The following CADM1 variants were observed in gnomAD, a reference collection of about 807,000 sequenced individuals.
CADM1 encodes cell adhesion molecule 1.
A neutral mutation model predicts 53.1 loss-of-function variants in CADM1; 15 were observed. The observed-to-expected ratio is 0.28, with a 90% CI of 0.19 to 0.44. The LOEUF (loss-of-function observed/expected upper bound fraction) is 0.44, where lower values mean the gene tolerates loss of function less well. Among genes scored for constraint, CADM1 ranks in the 20% least tolerant of loss-of-function variants. The pLI, the probability that CADM1 is intolerant of heterozygous loss-of-function variation, is 1.00. For synonymous variants in CADM1, 281 were observed against 243.0 expected, an observed-to-expected ratio of 1.16 and a Z score of -1.45; for missense variants, 434 against 611.3, an observed-to-expected ratio of 0.71 and a Z score of 3.06.
intron 1 of CADM1, among the ~76,000 whole-genome samples, chr11:115,368,589 T>G (rs1438175334): frequency 6.6e-6 from 1 of 152,082 alleles, no homozygotes; most frequent in Admixed American, 6.5e-5. Flanking sequence ...GTGAAGAAAA[T>G]CCTAATATTA....
At chr11:115,268,606 G>A (rs1427553945) in intron 1 of CADM1, among the ~76,000 whole-genome samples, 1 of 152,220 alleles carries the variant, frequency 6.6e-6, no homozygotes, top group African/African-American at 2.4e-5. Flanking sequence ...ACTATTGAGG[G>A]TAACCAGAGC....
intron 1 of CADM1, among the ~76,000 whole-genome samples, chr11:115,261,918 T>TA (rs779174482): frequency 8.4e-4 from 128 of 152,166 alleles, no homozygotes; most frequent in Admixed American, 1.3e-3. Context: ...TAGCTGGGAT[T>TA]ACAGGCACGT....
At chr11:115,365,200 G>T (rs567556042) in intron 1 of CADM1, among the ~76,000 whole-genome samples, 58 of 152,292 alleles carry the variant, frequency 3.8e-4, no homozygotes, top group African/African-American at 1.4e-3. Context: ...GAATTAAATA[G>T]TATGTGAACA....
At chr11:115,452,170 G>C (rs1019488314) in intron 1 of CADM1, among the ~76,000 whole-genome samples, 1 of 125,700 alleles carries the variant, frequency 8.0e-6, no homozygotes, top group African/African-American at 3.0e-5. Flanking sequence ...GTGGGGGGGT[G>C]GGGGGGCTGG....
intron 1 of CADM1, among the ~76,000 whole-genome samples, chr11:115,485,742 T>C (rs1319888772): frequency 1.3e-5 from 2 of 152,220 alleles, no homozygotes; most frequent in African/African-American, 2.4e-5. Flanking sequence ...TTTTTCTTTA[T>C]ATAAACTACC....
At chr11:115,383,785 C>T (rs1208516090) in intron 1 of CADM1, among the ~76,000 whole-genome samples, 1 of 152,034 alleles carries the variant, frequency 6.6e-6, no homozygotes, top group Non-Finnish European at 1.5e-5. Flanking sequence ...TATTAAAATC[C>T]CCTGTCTTCT....
intron 1 of CADM1, among the ~76,000 whole-genome samples, chr11:115,268,028 G>A (rs1337136263): frequency 6.6e-6 from 1 of 152,182 alleles, no homozygotes; most frequent in Non-Finnish European, 1.5e-5. Flanking sequence ...TCACACAGCT[G>A]CTCGCTTCTG....
rs1484485495 is a variant in CADM1 at position 115,172,362 on chromosome 11, C to G, written c.*4112G>C. On this transcript the variant is annotated 3_prime_UTR_variant, in exon 12 of 12. Coordinates refer to ENST00000331581, the MANE Select transcript of CADM1 (RefSeq NM_001301043.2). ...GTACAGCCACAAGACCCATCCCACC[C>G]TGCACACGGAATTGCTTTCTTCTCC... 2 of 152,284 alleles carry G rather than the reference C, an allele frequency of 1.3e-5. No individual in the cohort carries two copies. The highest frequency in any genetic ancestry group is 2.4e-5 in the African/African-American group (1 of 41,426). The allele number at this position is 152,284 out of a possible 1,614,324, so 9.4% of individuals were successfully genotyped here.
At chr11:115,275,116 A>G (rs550371215) in intron 1 of CADM1, among the ~76,000 whole-genome samples, 6 of 152,232 alleles carry the variant, frequency 3.9e-5, no homozygotes, top group African/African-American at 1.4e-4. Context: ...CCTTCCCCAC[A>G]TTGCGCCACT....
At chr11:115,293,744 C>T (rs1005167229) in intron 1 of CADM1, among the ~76,000 whole-genome samples, 5 of 152,102 alleles carry the variant, frequency 3.3e-5, no homozygotes, top group Non-Finnish European at 2.9e-5. Flanking sequence ...TATTATGCTG[C>T]CTAAGCCAAG....
intron 1 of CADM1, among the ~76,000 whole-genome samples, chr11:115,448,690 A>T (rs1330634993): frequency 6.6e-6 from 1 of 152,020 alleles, no homozygotes; most frequent in Non-Finnish European, 1.5e-5. Context: ...GTGGAGCGCC[A>T]CTCCCAAGAA....
Position 115,334,212 on chromosome 11 carries a change from T to A in CADM1, c.125-93792A>T, listed in dbSNP as rs1565371170. 1.3e-5 allele frequency among the ~76,000 whole-genome samples: 2 copies of A among 152,146 alleles called. 1 individual carries two copies. Among genetic ancestry groups the A allele is most frequent in the Admixed American group, 1.3e-4 (2 of 15,258 alleles). ...CACATCACACAGAACTACAGTGATG[T>A]AGTATTTAAGGGCAGCAAATTCAAA... is the stretch of plus-strand genomic sequence containing the variant. On this transcript the variant is annotated intron_variant, in intron 1 of 11. Transcript: ENST00000331581.
At chr11:115,376,763 AC>A (rs1387868080) in intron 1 of CADM1, among the ~76,000 whole-genome samples, 1 of 152,152 alleles carries the variant, frequency 6.6e-6, no homozygotes, top group African/African-American at 2.4e-5. Context: ...TGAAGCAGGT[AC>A]CACTTACCTG....
chr11:115,455,291 C>A (rs1245200436), intron 1 of CADM1, among the ~76,000 whole-genome samples: 2 of 151,386 alleles, frequency 1.3e-5, no homozygotes, highest in African/African-American at 4.9e-5. Flanking sequence ...CTGAAAAATT[C>A]ATGTATTTCT....
intron 1 of CADM1, among the ~76,000 whole-genome samples, chr11:115,262,497 C>T (rs1943006470): frequency 6.6e-6 from 1 of 152,220 alleles, no homozygotes; most frequent in South Asian, 2.1e-4. Flanking sequence ...CTGTGTGTTT[C>T]CATAAGCACC....
At chr11:115,404,921 A>C (rs1947276594) in intron 1 of CADM1, among the ~76,000 whole-genome samples, 2 of 152,012 alleles carry the variant, frequency 1.3e-5, no homozygotes, top group African/African-American at 4.8e-5. Flanking sequence ...TAGGAAACTG[A>C]GAGAAGAGAA....
chr11:115,274,924 C>T (rs753568717), intron 1 of CADM1, among the ~76,000 whole-genome samples: 2 of 152,168 alleles, frequency 1.3e-5, no homozygotes, highest in Non-Finnish European at 2.9e-5. Context: ...AAAGTCCCTT[C>T]CCACGAATTT....
chr11:115,415,716 G>C (rs1947577944), intron 1 of CADM1, among the ~76,000 whole-genome samples: 1 of 144,990 alleles, frequency 6.9e-6, no homozygotes, highest in Non-Finnish European at 1.5e-5. Context: ...TGCACCTGTA[G>C]TTCCAGCTAC....
chr11:115,418,433 C>G (rs927183504), intron 1 of CADM1, among the ~76,000 whole-genome samples: 9 of 152,056 alleles, frequency 5.9e-5, no homozygotes, highest in Non-Finnish European at 1.3e-4. Context: ...AAACTACTAC[C>G]CTTACAGGCT....
Sources: gnomAD v4.1 joint callset for allele counts (sites outside exome capture counted in the v4.1 genomes callset) on GRCh38, gnomAD v4.1.1 for gene constraint, MANE v1.5 for transcripts, NCBI Gene and HGNC (gene_info 2026-07-23, HGNC 2026-07-21) for gene names.